PLXNA1: variants seen among roughly 807,000 people sequenced by gnomAD.
PLXNA1 encodes the protein plexin A1, also known as plexin-A1.
Under a neutral mutation model 191.7 loss-of-function variants are expected in PLXNA1, and 77 were observed. The ratio of observed to expected loss-of-function variants is 0.40; its 90% confidence interval spans 0.33 to 0.49. The LOEUF (loss-of-function observed/expected upper bound fraction) is 0.49. Among genes scored for constraint, PLXNA1 ranks in the 20% least tolerant of loss-of-function variants. The pLI is 0.63. For synonymous variants in PLXNA1, 1,137 were observed against 1,156.4 expected (o/e 0.98, Z 0.34); for missense variants, 2,110 against 2,660.2 (o/e 0.79, Z 4.55).
chr3:127,029,074 T>C lies in PLXNA1; in HGVS notation c.4751T>C (p.Leu1584Pro). 1 of 1,613,662 alleles carries C rather than the reference T, an allele frequency of 6.2e-7. No homozygotes were observed. Among genetic ancestry groups the C allele is most frequent in the Non-Finnish European group, 8.5e-7 (1 of 1,179,856 alleles). Residue 1584 changes from leucine to proline, a missense_variant, in exon 26 of 32, where the codon CTG (leucine) becomes CCG (proline). Physicochemically the swap from Leu to Pro is moderately conservative, Grantham distance 98. Coordinates refer to ENST00000393409, the MANE Select transcript of PLXNA1 (RefSeq NM_032242.4). ...AAGATTGACAACGATTGGAAGAGGC[T>C]GAACACACTGGCTCACTACCAGGTG... ...TTKIDNDWKRLNTLAHYQVTD... is the reference protein window; with the variant it reads ...TTKIDNDWKRPNTLAHYQVTD...
rs2079114125 is a variant in PLXNA1 at position 127,014,706 on chromosome 3, C to T, written c.2757-5C>T. The T allele has an allele frequency of 1.2e-6, 2 of 1,611,116 alleles. No individual in the cohort carries two copies. The highest frequency in any genetic ancestry group is 1.7e-5 in the Admixed American group (1 of 59,922). ...CTGCAGCCCCTGAGGCCCGCCTGCC[C>T]ACAGGATCGTCTGTGAGATCGGGGA... On this transcript the variant is annotated splice_polypyrimidine_tract_variant and splice_region_variant and intron_variant, in intron 13 of 31. Transcript: ENST00000393409.
At chr3:127,028,112 G>C in intron 24 of PLXNA1, 26 bp downstream of exon 24, 1 of 1,613,638 alleles carries the variant, frequency 6.2e-7, no homozygotes, top group East Asian at 2.2e-5. Flanking sequence ...CTCTGTCCTG[G>C]GTGCCCTGGT....
In PLXNA1 at chr3:127,030,398, C is replaced by T. The variant is rs1162004254; in HGVS notation, c.5217C>T (p.Thr1739=). ...HQIHDADVRH[T]WKSNCLPLRF... ...TCCACGATGCTGACGTGCGCCACAC[C>T]TGGAAGAGCAACTGGTAATGCAGGG... Residue 1739 remains threonine (T), a synonymous_variant, in exon 29 of 32, where the codon ACC becomes ACT. Coordinates refer to ENST00000393409, the MANE Select transcript of PLXNA1 (RefSeq NM_032242.4). 1 of 1,613,918 alleles carries T rather than the reference C, an allele frequency of 6.2e-7. No homozygotes were observed. Among genetic ancestry groups the T allele is most frequent in the South Asian group, 1.1e-5 (1 of 91,086 alleles).
rs764493150 is a variant in PLXNA1, at chr3:126,988,870, G to A, written c.277G>A (p.Glu93Lys). ...AHVTGPVEDNEKCYPPPSVQS... is the reference protein window; with the variant it reads ...AHVTGPVEDNKKCYPPPSVQS... ...CGTCACGGGCCCTGTGGAGGACAACGAGAAGTGCTACCCGCCGCCCAGCGT... is the reference window on the plus strand; with the variant it reads ...CGTCACGGGCCCTGTGGAGGACAACAAGAAGTGCTACCCGCCGCCCAGCGT... Residue 93 changes from glutamate (E) to lysine (K), a missense_variant, in exon 2 of 32, where the codon GAG becomes AAG. Physicochemically the swap from Glu to Lys is moderately conservative, Grantham distance 56. This residue lies in a region of PLXNA1 where 903 missense variants were observed against 1,015.7 expected (regional missense o/e 0.89). Coordinates refer to ENST00000393409, the MANE Select transcript of PLXNA1 (RefSeq NM_032242.4). 18 of 1,613,278 alleles carry A rather than the reference G, an allele frequency of 1.1e-5. No homozygotes were observed. In the South Asian group the frequency reaches 1.4e-4, roughly 13 times the overall value.
In PLXNA1 at chr3:127,020,364, G is replaced by T. The variant is rs2079146327; in HGVS notation, c.4038+20G>T. On this transcript the variant is annotated intron_variant, in intron 21 of 31. Transcript: ENST00000393409. Reference sequence around the variant, plus strand: ...ATGGAGGTAGGACCACTGGCTCCGGGGGGTCACAGGAACTCAGAGGCAGCT... The same window carrying T: ...ATGGAGGTAGGACCACTGGCTCCGGTGGGTCACAGGAACTCAGAGGCAGCT... 1.2e-6 allele frequency: 2 copies of T among 1,610,104 alleles called. No individual in the cohort carries two copies. The highest frequency in any genetic ancestry group is 2.2e-5 in the South Asian group (2 of 90,876).
Position 127,028,996 on chromosome 3 carries a change from GGCGCCAGGGCCGCATGGCGC to G in PLXNA1, c.4676_4695del (p.Arg1559HisfsTer13). The G allele has an allele frequency of 6.2e-7, 1 of 1,611,626 alleles. No homozygotes were observed. The highest frequency in any genetic ancestry group is 8.5e-7 in the Non-Finnish European group (1 of 1,179,476). On this transcript the variant is annotated frameshift_variant, in exon 26 of 32. Transcript: ENST00000393409. LOFTEE classifies it high-confidence loss of function. ...CTCCAGCTCCCTCCTCCCCCAGAGT[GGCGCCAGGGCCGCATGGCGC>G]GCATCATCCTGCAGGACGAGGACGT...
chr3:126,988,969 C>T lies in PLXNA1; in HGVS notation c.376C>T (p.Arg126Cys), dbSNP rs556625265. 14 of 1,613,192 alleles carry T rather than the reference C, an allele frequency of 8.7e-6. No individual in the cohort carries two copies. The highest frequency in any genetic ancestry group is 1.1e-5 in the South Asian group (1 of 91,082). ...GCTGCTGCTGGACTATGCCGCTAAC[C>T]GCCTGCTGGCCTGTGGCAGCGCCTC... ...KLLLLDYAAN[R>C]LLACGSASQG... Residue 126 changes from arginine (R) to cysteine (C), a missense_variant, in exon 2 of 32, where the codon CGC becomes TGC. Physicochemically the swap from Arg to Cys is radical, Grantham distance 180. Transcript: ENST00000393409.
intron 14 of PLXNA1, 62 bp from the exon 15 acceptor site, chr3:127,015,122 T>C: frequency 1.3e-6 from 2 of 1,561,622 alleles, no homozygotes; most frequent in Non-Finnish European, 1.7e-6. Flanking sequence ...AAGTGGGGCC[T>C]GTCCCCATGT....
intron 10 of PLXNA1, 23 bp downstream of exon 10, chr3:127,012,181 T>TG (rs1192559541): frequency 6.2e-7 from 1 of 1,602,798 alleles, no homozygotes; most frequent in East Asian, 2.2e-5. Flanking sequence ...GGGCAGGGGC[T>TG]GGGGGCCGTG....
chr3:127,007,680 G>GCC, intron 8 of PLXNA1, 119 bp from the exon 9 acceptor site: 1 of 651,650 alleles, frequency 1.5e-6, no homozygotes, highest in South Asian at 2.0e-5. Context: ...AGCAGTCAGT[G>GCC]CCAAGACCCT....
intron 1 of PLXNA1, among the ~76,000 whole-genome samples, chr3:126,985,027 C>A (rs1054181906): frequency 1.3e-5 from 2 of 152,196 alleles, no homozygotes; most frequent in Non-Finnish European, 2.9e-5. Context: ...GTCTTCCCCC[C>A]CGGCTGCTGT....
chr3:126,998,865 ACT>A (rs904987665), intron 3 of PLXNA1, among the ~76,000 whole-genome samples: 6 of 150,636 alleles, frequency 4.0e-5, no homozygotes, highest in African/African-American at 1.2e-4. Context: ...TTCCTAGGAC[ACT>A]CTCTCCCCCG....
intron 10 of PLXNA1, among the ~76,000 whole-genome samples, chr3:127,012,378 G>A (rs1357310547): frequency 6.6e-6 from 1 of 152,280 alleles, no homozygotes; most frequent in African/African-American, 2.4e-5. Flanking sequence ...GGCCCATGCT[G>A]TCCTGGTAGC....
chr3:126,998,543 C>T (rs117528012), intron 3 of PLXNA1, among the ~76,000 whole-genome samples: 2 of 152,314 alleles, frequency 1.3e-5, no homozygotes, highest in South Asian at 2.1e-4. Flanking sequence ...TGGTGGTTCA[C>T]GGTGGCCCCA....
chr3:127,005,339 A>T, intron 7 of PLXNA1, 96 bp downstream of exon 7: 1 of 1,426,002 alleles, frequency 7.0e-7, no homozygotes, highest in South Asian at 1.4e-5. Context: ...TTCAGTTCCA[A>T]GGGCATGTTG....
Position 126,989,514 on chromosome 3 carries a change from G to A in PLXNA1, c.921G>A (p.Val307=). 6.2e-7 allele frequency: 1 copy of A among 1,613,446 alleles called. No homozygotes were observed. The highest frequency in any genetic ancestry group is 1.3e-5 in the African/African-American group (1 of 75,076). ...EFPIGCEQAG[V]EYRLVQDAYL... ...CCATTGGCTGCGAGCAGGCGGGTGTGGAGTACCGCCTGGTGCAGGATGCCT... is the reference window on the plus strand; with the variant it reads ...CCATTGGCTGCGAGCAGGCGGGTGTAGAGTACCGCCTGGTGCAGGATGCCT... Residue 307 remains valine, a synonymous_variant, in exon 2 of 32, where the codon GTG becomes GTA. Coordinates refer to ENST00000393409, the MANE Select transcript of PLXNA1 (RefSeq NM_032242.4).
intron 29 of PLXNA1, among the ~76,000 whole-genome samples, chr3:127,030,728 C>A (rs1047113499): frequency 6.6e-6 from 1 of 152,350 alleles, no homozygotes; most frequent in Admixed American, 6.5e-5. Flanking sequence ...AGAAACAGGG[C>A]ACAGTGGACC....
rs373896874 is a variant in PLXNA1, at chr3:127,006,062, C to T, written c.1898-17C>T. On this transcript the variant is annotated splice_polypyrimidine_tract_variant and intron_variant, in intron 7 of 31. Coordinates refer to ENST00000393409, the MANE Select transcript of PLXNA1 (RefSeq NM_032242.4). ...TGGGCAAGCAGTCCTGGTGACTCAG[C>T]CATGCTGCTCGTGCAGGAGACCAGC... 6.9e-6 allele frequency: 11 copies of T among 1,601,964 alleles called. No individual in the cohort carries two copies. The highest frequency in any genetic ancestry group is 2.2e-5 in the South Asian group (2 of 90,880).
chr3:127,010,398 G>A (rs1444907866), intron 9 of PLXNA1, among the ~76,000 whole-genome samples: 1 of 152,174 alleles, frequency 6.6e-6, no homozygotes, highest in East Asian at 1.9e-4. Flanking sequence ...TGGAGTTTCA[G>A]CCTAATCCTG....
Sources: gnomAD v4.1 joint callset for allele counts (sites outside exome capture counted in the v4.1 genomes callset) on GRCh38, gnomAD v4.1.1 for gene constraint, gnomAD v4.1.1 regional missense constraint, MANE v1.5 for transcripts, NCBI Gene and HGNC (gene_info 2026-07-23, HGNC 2026-07-21) for gene names.